Variants in TMCC2 observed in about 807,000 individuals in gnomAD.
The protein encoded by TMCC2 is transmembrane and coiled-coil domain family 2.
TMCC2 carries 16 observed loss-of-function variants against 49.4 expected under a neutral mutation model. That is an observed-to-expected ratio of 0.32 (90% confidence interval 0.22 to 0.49). TMCC2 has a LOEUF of 0.49. Ranked by LOEUF, TMCC2 falls within the 20% of genes least tolerant of loss-of-function variation. TMCC2 has a pLI of 0.99. For synonymous variants in TMCC2, 397 were observed against 434.1 expected (o/e 0.91, Z 1.06); for missense variants, 762 against 989.8 (o/e 0.77, Z 3.09).
intron 2 of TMCC2, among the ~76,000 whole-genome samples, chr1:205,265,402 C>T (rs897180274): frequency 6.6e-6 from 1 of 152,216 alleles, no homozygotes; most frequent in Non-Finnish European, 1.5e-5. Context: ...ATTTTACACT[C>T]CTGTATAGTC....
At chr1:205,238,053 A>G (rs187292987) in intron 1 of TMCC2, among the ~76,000 whole-genome samples, 1 of 152,298 alleles carries the variant, frequency 6.6e-6, no homozygotes. Flanking sequence ...GGCCACCAAA[A>G]TGGTTTCTGG....
chr1:205,268,013 C>A (rs745342497), intron 2 of TMCC2: 1 of 985,338 alleles, frequency 1.0e-6, no homozygotes, highest in Non-Finnish European at 1.2e-6. Flanking sequence ...GGGGCTTCCA[C>A]CATTATGAAG....
intron 2 of TMCC2, chr1:205,267,843 C>T (rs1426287303): frequency 1.0e-6 from 1 of 982,834 alleles, no homozygotes. Flanking sequence ...CGCATTCACC[C>T]TCTGCAAAGC....
In TMCC2 at chr1:205,229,988, A is replaced by G. The variant is rs1265698198; in HGVS notation, c.207+1217A>G. ...AGGAACTTAGATGCCTTGGAAATTGATGCCTCACAGTTATTTTCTCCAGAG... is the reference window on the plus strand; with the variant it reads ...AGGAACTTAGATGCCTTGGAAATTGGTGCCTCACAGTTATTTTCTCCAGAG... On this transcript the variant is annotated intron_variant, in intron 1 of 4. Coordinates refer to ENST00000358024, the MANE Select transcript of TMCC2 (RefSeq NM_014858.4). 6.1e-6 allele frequency: 6 copies of G among 985,384 alleles called. No homozygotes were observed. In the Admixed American group the frequency reaches 2.5e-4, roughly 40 times the overall value. The allele number at this position is 985,384 out of a possible 1,614,324, so 61.0% of individuals were successfully genotyped here.
At chr1:205,240,028 T>C (rs1326035670) in intron 1 of TMCC2, among the ~76,000 whole-genome samples, 1 of 152,232 alleles carries the variant, frequency 6.6e-6, no homozygotes, top group Non-Finnish European at 1.5e-5. Context: ...TTTAAATGAC[T>C]GAGGCAGCCT....
intron 2 of TMCC2, among the ~76,000 whole-genome samples, chr1:205,244,557 G>A (rs1660387683): frequency 1.3e-5 from 2 of 152,190 alleles, no homozygotes; most frequent in African/African-American, 4.8e-5. Context: ...ACTCACGGGT[G>A]ACCTGTCTGG....
At position 205,271,960 on chromosome 1, in the gene TMCC2, G is replaced by A. The variant is rs151316362; in HGVS notation, c.1966G>A (p.Val656Met). The change falls in exon 5 of 5, where the codon GTG becomes ATG. Residue 656 changes from valine to methionine, a missense_variant. Physicochemically the swap from Val to Met is conservative, Grantham distance 21. Around this residue, in one of 2 missense-constraint regions of TMCC2, gnomAD observed 440 missense variants for 636.7 expected, o/e 0.69. Coordinates refer to ENST00000358024, the MANE Select transcript of TMCC2 (RefSeq NM_014858.4). ...FINVILALMA[V>M]LLVFVSTIAN... The stretch of plus-strand genomic sequence containing the variant: ...CAACGTGATCCTGGCGCTCATGGCC[G>A]TGCTGCTGGTGTTCGTGTCCACCAT... The A allele has an allele frequency of 7.4e-6, 12 of 1,614,068 alleles. No homozygotes were observed. The highest frequency in any genetic ancestry group is 4.0e-5 in the African/African-American group (3 of 74,910).
intron 2 of TMCC2, among the ~76,000 whole-genome samples, chr1:205,266,763 G>A (rs1212979656): frequency 2.6e-5 from 4 of 152,190 alleles, no homozygotes; most frequent in South Asian, 2.1e-4. Context: ...CAGATTCAGC[G>A]TTTAATGAGC....
rs149851869 is a variant in TMCC2 at position 205,241,568 on chromosome 1, C to T, written c.271C>T (p.Arg91Cys). The T allele has an allele frequency of 4.3e-6, 7 of 1,613,934 alleles. No homozygotes were observed. Among genetic ancestry groups the T allele is most frequent in the Middle Eastern group, 1.6e-4 (1 of 6,062 alleles). The change falls in exon 2 of 5, where the codon CGC (arginine) becomes TGC (cysteine). Residue 91 changes from arginine to cysteine, a missense_variant. Physicochemically the swap from Arg to Cys is radical, Grantham distance 180. Coordinates refer to ENST00000358024, the MANE Select transcript of TMCC2 (RefSeq NM_014858.4). This position sits in a 1 kb window ranked among gnomAD's most constrained non-coding sequence, Gnocchi z 7.3. ...CGGTCTGAAGCACCTGTTCCACAGCCGCCGTCGGTCTCGGGAAAGGGAGCA... is the reference window on the plus strand; with the variant it reads ...CGGTCTGAAGCACCTGTTCCACAGCTGCCGTCGGTCTCGGGAAAGGGAGCA... ...GHGLKHLFHS[R>C]RRSREREHQT...
intron 1 of TMCC2, among the ~76,000 whole-genome samples, chr1:205,238,259 T>C (rs754699146): frequency 3.9e-5 from 6 of 152,006 alleles, no homozygotes; most frequent in Non-Finnish European, 5.9e-5. Flanking sequence ...TTAAAACACT[T>C]ACTGTGTTAT....
At chr1:205,263,876 G>C (rs1269557427) in intron 2 of TMCC2, among the ~76,000 whole-genome samples, 5 of 152,336 alleles carry the variant, frequency 3.3e-5, no homozygotes, top group African/African-American at 1.2e-4. Context: ...ATCTGTCAGA[G>C]CTACCCAGCC....
At chr1:205,230,855 C>T (rs1163542881) in intron 1 of TMCC2, among the ~76,000 whole-genome samples, 1 of 151,548 alleles carries the variant, frequency 6.6e-6, no homozygotes, top group Admixed American at 6.6e-5. Context: ...TTTGGCAGTG[C>T]CCTCATTCTG....
At chr1:205,246,761 G>A in intron 2 of TMCC2, 4 of 1,474,146 alleles carry the variant, frequency 2.7e-6, no homozygotes, top group Non-Finnish European at 3.7e-6. Flanking sequence ...CTGGTATGCA[G>A]CTATTTTATG....
chr1:205,271,625 T>G (rs1198783257), intron 4 of TMCC2, among the ~76,000 whole-genome samples, 188 bp from the exon 5 acceptor site: 1 of 152,018 alleles, frequency 6.6e-6, no homozygotes, highest in Non-Finnish European at 1.5e-5. Flanking sequence ...TCTCATTTCC[T>G]AGCATCCTCC....
intron 2 of TMCC2, among the ~76,000 whole-genome samples, chr1:205,249,262 T>G (rs1470220288): frequency 2.0e-5 from 3 of 152,198 alleles, no homozygotes; most frequent in Admixed American, 2.0e-4. Context: ...GAATGCCCTG[T>G]GCTCTCCGTC....
intron 3 of TMCC2, 148 bp from the exon 4 acceptor site, chr1:205,270,969 ATTG>A (rs934795758): frequency 1.1e-5 from 12 of 1,093,248 alleles, no homozygotes; most frequent in South Asian, 6.4e-5. Context: ...AGTAGCTTCT[ATTG>A]TTGTTGCTGT....
intron 3 of TMCC2, 150 bp downstream of exon 3, chr1:205,270,034 C>T: frequency 1.4e-6 from 1 of 729,672 alleles, no homozygotes; most frequent in South Asian, 1.9e-5. Flanking sequence ...CCCTAAGGAG[C>T]CTTCTTTCTT....
rs754021941 is a variant in TMCC2 at position 205,268,944 on chromosome 1, C to T, written c.748-6C>T. 11 of 1,611,066 alleles carry T rather than the reference C, an allele frequency of 6.8e-6. No homozygotes were observed. The East Asian group carries it at 2.5e-4, about 36-fold the overall frequency. ...CCATGCTTCCTCTGCCTGCCTCTTT[C>T]CCCAGGTCGATAAGGGAGACCTGGT... is the stretch of plus-strand genomic sequence containing the variant. On this transcript the variant is annotated splice_region_variant and splice_polypyrimidine_tract_variant and intron_variant, in intron 2 of 4. Transcript: ENST00000358024.
At chr1:205,260,873 G>A (rs1661083095) in intron 2 of TMCC2, among the ~76,000 whole-genome samples, 1 of 152,032 alleles carries the variant, frequency 6.6e-6, no homozygotes, top group African/African-American at 2.4e-5. Flanking sequence ...TTCTTTCATG[G>A]CCGAATAGTA....
Sources: gnomAD v4.1 joint callset for allele counts (sites outside exome capture counted in the v4.1 genomes callset) on GRCh38, gnomAD v4.1.1 for gene constraint, gnomAD v4.1.1 regional missense constraint, Gnocchi (gnomAD v3.1) non-coding constraint, MANE v1.5 for transcripts, NCBI Gene and HGNC (gene_info 2026-07-23, HGNC 2026-07-21) for gene names.